CASZ1: variants seen among roughly 807,000 people sequenced by gnomAD.
CASZ1 encodes zinc finger protein castor homolog 1.
Under a neutral mutation model 135.2 loss-of-function variants are expected in CASZ1, and 28 were observed. The observed-to-expected ratio is 0.21, with a 90% CI of 0.15 to 0.28. CASZ1 has a LOEUF of 0.28. Among genes scored for constraint, CASZ1 ranks in the 10% least tolerant of loss-of-function variants. CASZ1 has a pLI of 1.00. For synonymous variants in CASZ1, 1,068 were observed against 1,073.4 expected (o/e 0.99, Z 0.10); for missense variants, 2,161 against 2,453.3 (o/e 0.88, Z 2.52).
At chr1:10,743,666 G>A (rs1639974847) in intron 2 of CASZ1, among the ~76,000 whole-genome samples, 1 of 148,068 alleles carries the variant, frequency 6.8e-6, no homozygotes, top group Non-Finnish European at 1.5e-5. Context: ...CTCCAAAATG[G>A]GGGGGCGGGG....
Position 10,772,912 on chromosome 1 carries a change from C to T in CASZ1, c.-233-12055G>A, listed in dbSNP as rs550979325. Among the ~76,000 whole-genome samples, 4 of 152,282 alleles carry T rather than the reference C, an allele frequency of 2.6e-5. No individual in the cohort carries two copies. The South Asian group carries it at 8.3e-4, about 32-fold the overall frequency. On this transcript the variant is annotated intron_variant, in intron 1 of 20. Coordinates refer to ENST00000377022, the MANE Select transcript of CASZ1 (RefSeq NM_001079843.3). ...CTTGAAGCCCAATCTGGGACCTCCG[C>T]CTGCCATGACAGCAGGTGGCCCCAT...
At chr1:10,716,337 G>A (rs1004922246) in intron 2 of CASZ1, among the ~76,000 whole-genome samples, 11 of 152,142 alleles carry the variant, frequency 7.2e-5, no homozygotes, top group Admixed American at 6.5e-5. Context: ...GGGTAGACCC[G>A]GAGTGCTGAT....
rs1293646900 is a variant in CASZ1 at position 10,637,440 on chromosome 1, G to A, written c.*1502C>T. 1.3e-5 allele frequency: 2 copies of A among 152,618 alleles called. No individual in the cohort carries two copies. Among genetic ancestry groups the A allele is most frequent in the East Asian group, 3.9e-4 (2 of 5,188 alleles). 9.5% of individuals were successfully genotyped at this position (152,618 alleles called of 1,614,324 possible). ...GGACAAAAGAAAGGAAGAAAAAAGG[G>A]AAAAGTAAACCACTGCCCCCCAGTT... On this transcript the variant is annotated 3_prime_UTR_variant, in exon 21 of 21. Coordinates refer to ENST00000377022, the MANE Select transcript of CASZ1 (RefSeq NM_001079843.3).
chr1:10,701,881 T>C lies in CASZ1; in HGVS notation c.-24+3611A>G, dbSNP rs1287295206. 2.0e-5 allele frequency among the ~76,000 whole-genome samples: 3 copies of C among 152,116 alleles called. No homozygotes were observed. The highest frequency in any genetic ancestry group is 4.8e-5 in the African/African-American group (2 of 41,424). On this transcript the variant is annotated intron_variant, in intron 3 of 20. Transcript: ENST00000377022. The surrounding 1 kb of genome is among the most constrained non-coding windows in gnomAD (Gnocchi z 6.3). ...CTGAGGGAGCCCATTCCTGCCAGCC[T>C]GACAAGCCAGGCCTCAGTTTCTCCA... is the stretch of plus-strand genomic sequence containing the variant.
rs1034982058 is a variant in CASZ1 at position 10,637,209 on chromosome 1, C to T, written c.*1733G>A. 2.0e-5 allele frequency: 3 copies of T among 152,092 alleles called. No individual in the cohort carries two copies. The highest frequency in any genetic ancestry group is 6.6e-5 in the Admixed American group (1 of 15,246). The allele number at this position is 152,092 out of a possible 1,614,324, so 9.4% of individuals were successfully genotyped here. ...TCCTTTACAAAACTCCTTCCACAGA[C>T]GCCCGGGGCCTGTGGCGGGTCACTG... is the stretch of plus-strand genomic sequence containing the variant. On this transcript the variant is annotated 3_prime_UTR_variant, in exon 21 of 21. Transcript: ENST00000377022.
intron 5 of CASZ1, among the ~76,000 whole-genome samples, chr1:10,663,798 G>T (rs1643132768): frequency 6.6e-6 from 1 of 152,214 alleles, no homozygotes; most frequent in African/African-American, 2.4e-5. Context: ...AGGGGGCGAG[G>T]CCTGGATCCC....
Position 10,793,924 on chromosome 1 carries a change from C to A in CASZ1, c.-234+2640G>T, listed in dbSNP as rs61777360. On this transcript the variant is annotated intron_variant, in intron 1 of 20. Transcript: ENST00000377022. Reference sequence around the variant, plus strand: ...GAGTGGCGCGGGCGGCCGGAGATTGCGCAGGTCGCGACGCCCGCCCGGGAC... The same window carrying A: ...GAGTGGCGCGGGCGGCCGGAGATTGAGCAGGTCGCGACGCCCGCCCGGGAC... Among the ~76,000 whole-genome samples the A allele has an allele frequency of 7.4e-3, 1,127 of 152,250 alleles. 19 individuals carry two copies. Among genetic ancestry groups the A allele is most frequent in the African/African-American group, 0.026 (1,075 of 41,542 alleles).
intron 2 of CASZ1, among the ~76,000 whole-genome samples, chr1:10,744,778 G>C (rs1231369391): frequency 6.6e-6 from 1 of 152,158 alleles, no homozygotes. Context: ...CTGTATGTCT[G>C]GGTAGCCAGC....
chr1:10,737,036 G>A (rs1276267075), intron 2 of CASZ1, among the ~76,000 whole-genome samples: 1 of 152,224 alleles, frequency 6.6e-6, no homozygotes, highest in Admixed American at 6.5e-5. Context: ...GCCCTTGGCA[G>A]TCCCCTGACC....
At chr1:10,655,926 C>T (rs1570422985) in intron 8 of CASZ1, 113 bp from the exon 9 acceptor site, 1 of 1,107,770 alleles carries the variant, frequency 9.0e-7, no homozygotes, top group African/African-American at 1.5e-5. Flanking sequence ...CTAGAAAGAA[C>T]CCTGCTTGGG....
rs960199371 is a variant in CASZ1 at position 10,660,083 on chromosome 1, T to C, written c.959A>G (p.Lys320Arg). The change falls in exon 6 of 21, where the codon AAG (lysine) becomes AGG (arginine). Residue 320 changes from lysine to arginine, a missense_variant. This residue lies in a region of CASZ1 where 590 missense variants were observed against 609.8 expected (regional missense o/e 0.97). Transcript: ENST00000377022. ...SKYDFFIQKL[K>R]TGENLRPQNG... ...CTGGGGCCGCAGATTCTCGCCGGTCTTCAGTTTTTGGATGAAGAAGTCGTA... is the reference window on the plus strand; with the variant it reads ...CTGGGGCCGCAGATTCTCGCCGGTCCTCAGTTTTTGGATGAAGAAGTCGTA... The C allele has an allele frequency of 3.1e-6, 5 of 1,614,162 alleles. No homozygotes were observed. Among genetic ancestry groups the C allele is most frequent in the East Asian group, 2.2e-5 (1 of 44,878 alleles).
At chr1:10,660,620 GA>G in intron 5 of CASZ1, 84 bp from the exon 6 acceptor site, 1 of 1,105,790 alleles carries the variant, frequency 9.0e-7, no homozygotes, top group Non-Finnish European at 1.3e-6. Flanking sequence ...CCCACCCATA[GA>G]GGGAGGGGGT....
rs200719150 is a variant in CASZ1, at chr1:10,660,066, G to A, written c.976C>T (p.Arg326Trp). 75 of 1,614,160 alleles carry A rather than the reference G, an allele frequency of 4.6e-5. No individual in the cohort carries two copies. The highest frequency in any genetic ancestry group is 3.3e-4 in the Middle Eastern group (2 of 6,062). ...TTGTAGGTGCTCCCGTTCTGGGGCC[G>A]CAGATTCTCGCCGGTCTTCAGTTTT... ...IQKLKTGENLRPQNGSTYKKP... is the reference protein window; with the variant it reads ...IQKLKTGENLWPQNGSTYKKP... Residue 326 changes from arginine to tryptophan, a missense_variant, in exon 6 of 21, where the codon CGG becomes TGG. By Grantham distance (101) the Arg-to-Trp change is moderately radical. This residue lies in a region of CASZ1 where 590 missense variants were observed against 609.8 expected (regional missense o/e 0.97). Transcript: ENST00000377022.
In CASZ1 at chr1:10,777,051, T is replaced by C. The variant is rs959249338; in HGVS notation, c.-233-16194A>G. ...TGACCGTGTTTCCAAATGGCTCAAA[T>C]ACTGGGTCCTAGTTCCAGATCTGTC... On this transcript the variant is annotated intron_variant, in intron 1 of 20. Coordinates refer to ENST00000377022, the MANE Select transcript of CASZ1 (RefSeq NM_001079843.3). The surrounding 1 kb of genome is among the most constrained non-coding windows in gnomAD (Gnocchi z 4.4). Among the ~76,000 whole-genome samples the C allele has an allele frequency of 3.3e-5, 5 of 152,138 alleles. No homozygotes were observed. Among genetic ancestry groups the C allele is most frequent in the Non-Finnish European group, 5.9e-5 (4 of 68,024 alleles).
At chr1:10,693,771 C>T (rs1408580822) in intron 4 of CASZ1, 103 bp downstream of exon 4, 2 of 956,496 alleles carry the variant, frequency 2.1e-6, no homozygotes, top group Non-Finnish European at 3.4e-6. Context: ...TCCCGGCCCC[C>T]ACCCGGCCCC....
At position 10,647,599 on chromosome 1, in the gene CASZ1, G is replaced by T; in HGVS notation, c.3497+202C>A. 7.0e-7 allele frequency: 1 copy of T among 1,435,528 alleles called. No homozygotes were observed. The highest frequency in any genetic ancestry group is 9.1e-7 in the Non-Finnish European group (1 of 1,098,198). 88.9% of individuals were successfully genotyped at this position (1,435,528 alleles called of 1,614,324 possible). On this transcript the variant is annotated intron_variant, in intron 16 of 20. Transcript: ENST00000377022. This position sits in a 1 kb window ranked among gnomAD's most constrained non-coding sequence, Gnocchi z 4.9. ...CTGCCGCCACCATCGGCCCACGCGG[G>T]CTGGCCTGCTCTGGGACAGGCAGTG... is the stretch of plus-strand genomic sequence containing the variant.
chr1:10,660,100 G>A lies in CASZ1; in HGVS notation c.942C>T (p.Phe314=), dbSNP rs193132440. ...NLVARASKYD[F]FIQKLKTGEN... ...CGCCGGTCTTCAGTTTTTGGATGAA[G>A]AAGTCGTACTTGGAGGCCCGGGCTA... Residue 314 remains phenylalanine, a synonymous_variant, in exon 6 of 21, where the codon TTC becomes TTT. Coordinates refer to ENST00000377022, the MANE Select transcript of CASZ1 (RefSeq NM_001079843.3). The A allele has an allele frequency of 6.2e-7, 1 of 1,614,184 alleles. No homozygotes were observed. The highest frequency in any genetic ancestry group is 2.2e-5 in the East Asian group (1 of 44,880).
At chr1:10,672,386 A>T (rs894591017) in intron 4 of CASZ1, among the ~76,000 whole-genome samples, 1 of 151,808 alleles carries the variant, frequency 6.6e-6, no homozygotes. Context: ...CTGAATCTGC[A>T]CTTTCTGGGG....
At chr1:10,691,270 G>A (rs769520374) in intron 4 of CASZ1, among the ~76,000 whole-genome samples, 1 of 152,108 alleles carries the variant, frequency 6.6e-6, no homozygotes, top group African/African-American at 2.4e-5. Context: ...GAATTAGGAC[G>A]ACATCGGCAT....
Sources: allele counts gnomAD v4.1 joint callset (sites outside exome capture counted in the v4.1 genomes callset), GRCh38; gene constraint gnomAD v4.1.1; regional missense constraint gnomAD v4.1.1; non-coding constraint Gnocchi (gnomAD v3.1); transcripts MANE v1.5; gene names NCBI Gene and HGNC (gene_info 2026-07-23, HGNC 2026-07-21).